Variants in PRAP1 observed in about 807,000 individuals in gnomAD.
The protein encoded by PRAP1 is proline rich acidic protein 1.
Under a neutral mutation model 14.6 loss-of-function variants are expected in PRAP1, and 12 were observed. That is an observed-to-expected ratio of 0.82 (90% CI 0.53 to 1.33). The LOEUF (loss-of-function observed/expected upper bound fraction) is 1.33, where lower values mean the gene tolerates loss of function less well. Among genes scored for constraint, PRAP1 ranks in the 40% most tolerant of loss-of-function variants. The probability of loss-of-function intolerance (pLI) is 0.00; values close to 1 mark genes in which losing one functional copy is unlikely to be tolerated. For missense variants in PRAP1, 160 were observed against 193.7 expected, an observed-to-expected ratio of 0.83 and a Z score of 1.03; for synonymous variants, 81 against 80.3, an observed-to-expected ratio of 1.01 and a Z score of -0.04.
In PRAP1 at chr10:133,352,368, G is replaced by A; in HGVS notation, c.384G>A (p.Leu128=). ...ACCAGGGCGAGGAGAGGCCCCGGTT[G>A]TGGGTGATGCCAAATCACCAGGTGC... ...EEDQGEERPR[L]WVMPNHQVLL... Residue 128 remains leucine (L), a synonymous_variant, in exon 5 of 5, where the codon TTG becomes TTA. Coordinates refer to ENST00000433452, the MANE Select transcript of PRAP1 (RefSeq NM_145202.5). The A allele has an allele frequency of 1.9e-6, 3 of 1,613,088 alleles. No homozygotes were observed. Among genetic ancestry groups the A allele is most frequent in the Non-Finnish European group, 2.5e-6 (3 of 1,179,992 alleles).
chr10:133,351,340 C>T lies in PRAP1; in HGVS notation c.76-41C>T, dbSNP rs183041551. The T allele has an allele frequency of 3.2e-3, 5,058 of 1,573,024 alleles. 8 individuals are homozygous for T. Among genetic ancestry groups the T allele is most frequent in the Non-Finnish European group, 4.1e-3 (4,731 of 1,148,684 alleles). ...CCTCTCCCCAGGTGTCCTCCACCCG[C>T]GTGGACTGTGGCCCAGCCCACACCT... On this transcript the variant is annotated intron_variant, in intron 2 of 4. Transcript: ENST00000433452. The surrounding 1 kb of genome is among the most constrained non-coding windows in gnomAD (Gnocchi z 4.3).
At position 133,352,136 on chromosome 10, in the gene PRAP1, T is replaced by C. The variant is rs1564795061; in HGVS notation, c.258T>C (p.Leu86=). ...KPRGQGRGPI[L]PGTKAWMETE... ...GAGGTCAGGGCAGGGGCCCCATCCT[T>C]CCAGGTGGGCACAAGGTCACAGCAG... is the stretch of plus-strand genomic sequence containing the variant. The change falls in exon 4 of 5, where the codon CTT becomes CTC. Residue 86 remains leucine, a synonymous_variant. Coordinates refer to ENST00000433452, the MANE Select transcript of PRAP1 (RefSeq NM_145202.5). 2 of 1,612,740 alleles carry C rather than the reference T, an allele frequency of 1.2e-6. No homozygotes were observed. Among genetic ancestry groups the C allele is most frequent in the Admixed American group, 3.3e-5 (2 of 59,984 alleles).
intron 1 of PRAP1, among the ~76,000 whole-genome samples, chr10:133,349,299 A>AC (rs1848638140): frequency 6.7e-6 from 1 of 149,836 alleles, no homozygotes. Context: ...ACACACATCC[A>AC]CCACACACAA....
At chr10:133,348,254 C>G (rs1294092674) in intron 1 of PRAP1, among the ~76,000 whole-genome samples, 1 of 152,176 alleles carries the variant, frequency 6.6e-6, no homozygotes, top group East Asian at 1.9e-4. Context: ...AGAGCCCCTG[C>G]CCAGCATCAG....
Position 133,352,033 on chromosome 10 carries a change from C to T in PRAP1, c.155C>T (p.Pro52Leu). The change falls in exon 4 of 5, where the codon CCT becomes CTT. Residue 52 changes from proline to leucine, a missense_variant. Physicochemically the swap from Pro to Leu is moderately conservative, Grantham distance 98 (BLOSUM62 -3). Coordinates refer to ENST00000433452, the MANE Select transcript of PRAP1 (RefSeq NM_145202.5). ...EKAWGARVVE[P>L]PEKDDQLVVL... ...GCCTGGGGCGCCCGTGTGGTGGAGCCTCCGGAGAAGGACGACCAGCTGGTG... is the reference window on the plus strand; with the variant it reads ...GCCTGGGGCGCCCGTGTGGTGGAGCTTCCGGAGAAGGACGACCAGCTGGTG... The T allele has an allele frequency of 6.2e-7, 1 of 1,612,948 alleles. No individual in the cohort carries two copies. Among genetic ancestry groups the T allele is most frequent in the African/African-American group, 1.3e-5 (1 of 75,028 alleles).
rs565160701 is a variant in PRAP1, at chr10:133,352,300, G to A, written c.316G>A (p.Glu106Lys). ...EDTLGHVLSP[E>K]PDHDSLYHPP... ...CACCCTGGGCCATGTCCTGAGTCCC[G>A]AGCCCGACCATGACAGCCTGTACCA... is the stretch of plus-strand genomic sequence containing the variant. The change falls in exon 5 of 5, where the codon GAG becomes AAG. Residue 106 changes from glutamate to lysine, a missense_variant. Physicochemically the swap from Glu to Lys is moderately conservative, Grantham distance 56. Coordinates refer to ENST00000433452, the MANE Select transcript of PRAP1 (RefSeq NM_145202.5). 2.0e-5 allele frequency: 33 copies of A among 1,613,074 alleles called. No homozygotes were observed. Among genetic ancestry groups the A allele is most frequent in the African/African-American group, 1.3e-4 (10 of 74,996 alleles).
chr10:133,352,364 G>A lies in PRAP1; in HGVS notation c.380G>A (p.Arg127Gln), dbSNP rs748461788. ...PEEDQGEERPRLWVMPNHQVL... is the reference protein window; with the variant it reads ...PEEDQGEERPQLWVMPNHQVL... ...GAGGACCAGGGCGAGGAGAGGCCCC[G>A]GTTGTGGGTGATGCCAAATCACCAG... is the stretch of plus-strand genomic sequence containing the variant. The change falls in exon 5 of 5, where the codon CGG becomes CAG. Residue 127 changes from arginine (R) to glutamine (Q), a missense_variant. Arg to Gln is a conservative substitution (Grantham distance 43, BLOSUM62 1). Coordinates refer to ENST00000433452, the MANE Select transcript of PRAP1 (RefSeq NM_145202.5). 46 of 1,612,968 alleles carry A rather than the reference G, an allele frequency of 2.9e-5. 2 individuals are homozygous for A. Among genetic ancestry groups the A allele is most frequent in the South Asian group, 1.6e-4 (15 of 91,076 alleles).
rs780904326 is a variant in PRAP1 at position 133,350,173 on chromosome 10, C to T, written c.75+12C>T. The T allele has an allele frequency of 9.9e-6, 16 of 1,611,080 alleles. No individual in the cohort carries two copies. The highest frequency in any genetic ancestry group is 1.3e-5 in the Non-Finnish European group (15 of 1,178,366). On this transcript the variant is annotated intron_variant, in intron 2 of 4. Transcript: ENST00000433452. ...TCCCAGCACCCAAGGTAGGTGTGAG[C>T]CCCTCCCATCTGGGCAGCAACTCCA...
At position 133,352,543 on chromosome 10, in the gene PRAP1, G is replaced by T. The variant is rs573022495; in HGVS notation, c.*103G>T. ...CAGCTAGACAAATAAACCCCAGCAGGCCGGGCGCGGTGGCTCACCTCTGTA... is the reference window on the plus strand; with the variant it reads ...CAGCTAGACAAATAAACCCCAGCAGTCCGGGCGCGGTGGCTCACCTCTGTA... On this transcript the variant is annotated 3_prime_UTR_variant, in exon 5 of 5. Coordinates refer to ENST00000433452, the MANE Select transcript of PRAP1 (RefSeq NM_145202.5). 3.4e-3 allele frequency: 3,546 copies of T among 1,041,520 alleles called. 13 individuals carry two copies. Among genetic ancestry groups the T allele is most frequent in the Middle Eastern group, 7.0e-3 (33 of 4,684 alleles). The allele number at this position is 1,041,520 out of a possible 1,614,324, so 64.5% of individuals were successfully genotyped here.
intron 1 of PRAP1, among the ~76,000 whole-genome samples, chr10:133,348,680 A>AT (rs58838469): frequency 3.1e-4 from 43 of 138,308 alleles, no homozygotes; most frequent in East Asian, 8.5e-4. Flanking sequence ...CGCCTGGCTA[A>AT]TTTTTTTTTT....
At position 133,351,205 on chromosome 10, in the gene PRAP1, C is replaced by T. The variant is rs1341739152; in HGVS notation, c.76-176C>T. 6.6e-6 allele frequency among the ~76,000 whole-genome samples: 1 copy of T among 152,198 alleles called. No homozygotes were observed. The highest frequency in any genetic ancestry group is 1.5e-5 in the Non-Finnish European group (1 of 68,026). On this transcript the variant is annotated intron_variant, in intron 2 of 4. Transcript: ENST00000433452. This position sits in a 1 kb window ranked among gnomAD's most constrained non-coding sequence, Gnocchi z 4.3. ...TCAATCCCGGCTTGCAATCCCAACA[C>T]CCGAGAGTGGCTTGCCCACTAGAGA...
chr10:133,352,360 C>T lies in PRAP1; in HGVS notation c.376C>T (p.Pro126Ser), dbSNP rs569080317. Residue 126 changes from proline to serine, a missense_variant, in exon 5 of 5, where the codon CCC (proline) becomes TCC (serine). Pro to Ser is a moderately conservative substitution (Grantham distance 74). Transcript: ENST00000433452. The part of the protein sequence containing the change: ...PPEEDQGEER[P>S]RLWVMPNHQV... ...TGAGGAGGACCAGGGCGAGGAGAGG[C>T]CCCGGTTGTGGGTGATGCCAAATCA... The T allele has an allele frequency of 1.1e-5, 18 of 1,613,090 alleles. No homozygotes were observed. Among genetic ancestry groups the T allele is most frequent in the African/African-American group, 2.7e-5 (2 of 75,010 alleles).
In PRAP1 at chr10:133,351,706, G is replaced by A. The variant is rs1399511587; in HGVS notation, c.128+273G>A. ...CCAGGGCAGCTTGTGCTCCACGGCT[G>A]GTGGCTGTAGCTGGGGCGGCTCAGT... On this transcript the variant is annotated intron_variant, in intron 3 of 4. Coordinates refer to ENST00000433452, the MANE Select transcript of PRAP1 (RefSeq NM_145202.5). The surrounding 1 kb of genome is among the most constrained non-coding windows in gnomAD (Gnocchi z 4.3). Among the ~76,000 whole-genome samples the A allele has an allele frequency of 6.6e-6, 1 of 152,206 alleles. No individual in the cohort carries two copies. Among genetic ancestry groups the A allele is most frequent in the African/African-American group, 2.4e-5 (1 of 41,448 alleles).
In PRAP1 at chr10:133,352,299, C is replaced by T. The variant is rs778021545; in HGVS notation, c.315C>T (p.Pro105=). Reference sequence around the variant, plus strand: ...ACACCCTGGGCCATGTCCTGAGTCCCGAGCCCGACCATGACAGCCTGTACC... The same window carrying T: ...ACACCCTGGGCCATGTCCTGAGTCCTGAGCCCGACCATGACAGCCTGTACC... ...TEDTLGHVLS[P]EPDHDSLYHP... The change falls in exon 5 of 5, where the codon CCC becomes CCT. Residue 105 remains proline, a synonymous_variant. Transcript: ENST00000433452. 37 of 1,612,936 alleles carry T rather than the reference C, an allele frequency of 2.3e-5. No homozygotes were observed. The highest frequency in any genetic ancestry group is 3.3e-5 in the South Asian group (3 of 91,082).
At position 133,347,438 on chromosome 10, in the gene PRAP1, TCCCTGAGC is replaced by T; in HGVS notation, c.8+17_8+24del. The T allele has an allele frequency of 1.9e-6, 3 of 1,610,198 alleles. No individual in the cohort carries two copies. Among genetic ancestry groups the T allele is most frequent in the Non-Finnish European group, 2.5e-6 (3 of 1,177,914 alleles). On this transcript the variant is annotated intron_variant, in intron 1 of 4. Coordinates refer to ENST00000433452, the MANE Select transcript of PRAP1 (RefSeq NM_145202.5). This position sits in a 1 kb window ranked among gnomAD's most constrained non-coding sequence, Gnocchi z 5.0. ...CAGACATGAGGAGGTAATGCCACCA[TCCCTGAGC>T]CCCAATCCCCACCCCACCCAAACCT...
At position 133,351,518 on chromosome 10, in the gene PRAP1, C is replaced by A; in HGVS notation, c.128+85C>A. On this transcript the variant is annotated intron_variant, in intron 3 of 4. Transcript: ENST00000433452. This position sits in a 1 kb window ranked among gnomAD's most constrained non-coding sequence, Gnocchi z 4.3. ...CTGGGCCCTTCCTGAACCTGGAGAG[C>A]ACGGGGCAGATGCAGAGAGGAGCCC... 2 of 1,103,680 alleles carry A rather than the reference C, an allele frequency of 1.8e-6. No homozygotes were observed. Among genetic ancestry groups the A allele is most frequent in the Non-Finnish European group, 2.7e-6 (2 of 749,806 alleles). The allele number at this position is 1,103,680 out of a possible 1,614,324, so 68.4% of individuals were successfully genotyped here.
rs756832272 is a variant in PRAP1, at chr10:133,347,452, TC to T, written c.8+31del. On this transcript the variant is annotated intron_variant, in intron 1 of 4. Transcript: ENST00000433452. This position sits in a 1 kb window ranked among gnomAD's most constrained non-coding sequence, Gnocchi z 5.0. ...TAATGCCACCATCCCTGAGCCCCAA[TC>T]CCCACCCCACCCAAACCTGGAGGCC... 1 of 1,600,410 alleles carries T rather than the reference TC, an allele frequency of 6.2e-7. No homozygotes were observed. The highest frequency in any genetic ancestry group is 1.1e-5 in the South Asian group (1 of 89,008).
chr10:133,347,591 C>T lies in PRAP1; in HGVS notation c.8+166C>T, dbSNP rs374313625. Reference sequence around the variant, plus strand: ...CCCTCTGAGGGTCTGGGGTCTGCCACCAGGCTCTACCTCCTCTGTGGCCCC... The same window carrying T: ...CCCTCTGAGGGTCTGGGGTCTGCCATCAGGCTCTACCTCCTCTGTGGCCCC... On this transcript the variant is annotated intron_variant, in intron 1 of 4. Transcript: ENST00000433452. The surrounding 1 kb of genome is among the most constrained non-coding windows in gnomAD (Gnocchi z 5.0). Among the ~76,000 whole-genome samples the T allele has an allele frequency of 9.8e-4, 149 of 152,314 alleles. 3 individuals are homozygous for T. Among genetic ancestry groups the T allele is most frequent in the African/African-American group, 1.0e-3 (43 of 41,576 alleles).
rs773574338 is a variant in PRAP1, at chr10:133,350,090, C to A, written c.9-5C>A. 3 of 1,613,208 alleles carry A rather than the reference C, an allele frequency of 1.9e-6. No individual in the cohort carries two copies. The highest frequency in any genetic ancestry group is 2.5e-6 in the Non-Finnish European group (3 of 1,179,690). On this transcript the variant is annotated splice_region_variant and splice_polypyrimidine_tract_variant and intron_variant, in intron 1 of 4. Coordinates refer to ENST00000433452, the MANE Select transcript of PRAP1 (RefSeq NM_145202.5). ...CTCACACTTCCCTCTCTGGCCCCCC[C>A]TCAGGCTCCTCCTGGTCACCAGCCT...
Sources: allele counts gnomAD v4.1 joint callset (sites outside exome capture counted in the v4.1 genomes callset), GRCh38; gene constraint gnomAD v4.1.1; non-coding constraint Gnocchi (gnomAD v3.1); transcripts MANE v1.5; gene names NCBI Gene and HGNC (gene_info 2026-07-23, HGNC 2026-07-21).